The following TVP23A variants were observed in gnomAD, a reference collection of about 807,000 sequenced individuals.
The protein encoded by TVP23A is trans-golgi network vesicle protein 23 homolog A, also known as Golgi apparatus membrane protein TVP23 homolog A.
In TVP23A, 21 loss-of-function variants were observed where a neutral mutation model predicts 31.7. The observed-to-expected ratio is 0.66, with a 90% CI of 0.47 to 0.95. The LOEUF (loss-of-function observed/expected upper bound fraction) is 0.95, where lower values mean the gene tolerates loss of function less well. Ranked by LOEUF, TVP23A falls within the 40% of genes least tolerant of loss-of-function variation. The probability of loss-of-function intolerance (pLI) is 0.00; values close to 1 mark genes in which losing one functional copy is unlikely to be tolerated. For synonymous variants in TVP23A, 104 were observed against 96.0 expected (o/e 1.08, Z -0.49); for missense variants, 279 against 255.6 (o/e 1.09, Z -0.62).
chr16:10,811,471 T>C (rs987081903), intron 2 of TVP23A, among the ~76,000 whole-genome samples: 6 of 152,020 alleles, frequency 3.9e-5, no homozygotes, highest in African/African-American at 1.4e-4. Context: ...GGTTTTGCCA[T>C]GTTGCTCAGG....
chr16:10,776,965 C>A (rs762297895), intron 2 of TVP23A, among the ~76,000 whole-genome samples: 1 of 152,114 alleles, frequency 6.6e-6, no homozygotes, highest in Non-Finnish European at 1.5e-5. Flanking sequence ...TTTACTGCAA[C>A]CTGTTTTATC....
At chr16:10,796,597 T>C (rs896663668) in intron 2 of TVP23A, among the ~76,000 whole-genome samples, 13 of 151,900 alleles carry the variant, frequency 8.6e-5, no homozygotes, top group African/African-American at 3.1e-4. Context: ...CATGCCCAGC[T>C]AATATTTTTT....
rs2034440282 is a variant in TVP23A at position 10,816,364 on chromosome 16, C to T, written c.89+1739G>A. On this transcript the variant is annotated intron_variant, in intron 2 of 7. Transcript: ENST00000299866. ...ATTTTTTTTTTTTGAGACAGGGTCT[C>T]ACTCTGTCGCCCAGACTGGAGTGTA... Among the ~76,000 whole-genome samples, 4 of 150,262 alleles carry T rather than the reference C, an allele frequency of 2.7e-5. No homozygotes were observed. The South Asian group carries it at 8.3e-4, about 31-fold the overall frequency.
At chr16:10,817,382 G>C (rs1368496971) in intron 2 of TVP23A, among the ~76,000 whole-genome samples, 1 of 152,246 alleles carries the variant, frequency 6.6e-6, no homozygotes, top group Non-Finnish European at 1.5e-5. Flanking sequence ...CTGATAGCTG[G>C]AAGCAGAACT....
At chr16:10,778,227 A>C (rs1420035467) in intron 2 of TVP23A, among the ~76,000 whole-genome samples, 2 of 149,940 alleles carry the variant, frequency 1.3e-5, no homozygotes, top group Non-Finnish European at 3.0e-5. Flanking sequence ...CCAGCTACTC[A>C]GGAGGCTGAG....
intron 2 of TVP23A, among the ~76,000 whole-genome samples, chr16:10,786,231 G>T (rs1158959871): frequency 6.6e-6 from 1 of 152,122 alleles, no homozygotes. Context: ...CATCCACAGG[G>T]GAAGGTGAGT....
chr16:10,796,910 A>G (rs2033419923), intron 2 of TVP23A, among the ~76,000 whole-genome samples: 1 of 152,152 alleles, frequency 6.6e-6, no homozygotes, highest in South Asian at 2.1e-4. Context: ...TTTAAAGTTT[A>G]GAAAACTGGA....
downstream of TVP23A, among the ~76,000 whole-genome samples, chr16:10,762,519 C>A (rs1439933766): frequency 2.6e-5 from 4 of 152,238 alleles, no homozygotes; most frequent in African/African-American, 9.6e-5. Context: ...GAAGCTGCTC[C>A]CCCAGGAGGC....
At chr16:10,796,495 C>T (rs954706105) in intron 2 of TVP23A, among the ~76,000 whole-genome samples, 5 of 152,124 alleles carry the variant, frequency 3.3e-5, no homozygotes, top group African/African-American at 1.2e-4. Flanking sequence ...TGCAGTGGCA[C>T]GGTCTCAGCT....
chr16:10,800,898 G>C (rs979498009), intron 2 of TVP23A, among the ~76,000 whole-genome samples: 1 of 152,148 alleles, frequency 6.6e-6, no homozygotes, highest in Non-Finnish European at 1.5e-5. Context: ...GGCTGAGGTG[G>C]GAGGATCACT....
At chr16:10,780,054 C>T (rs2032324867) in intron 2 of TVP23A, among the ~76,000 whole-genome samples, 1 of 152,082 alleles carries the variant, frequency 6.6e-6, no homozygotes, top group Non-Finnish European at 1.5e-5. Flanking sequence ...TGCCACTGGA[C>T]TCCAGCCTGG....
At chr16:10,803,003 G>C (rs1016684261) in intron 2 of TVP23A, among the ~76,000 whole-genome samples, 11 of 152,160 alleles carry the variant, frequency 7.2e-5, no homozygotes, top group African/African-American at 2.7e-4. Context: ...GAGCTGAGAG[G>C]CTGGACGCAG....
downstream of TVP23A, among the ~76,000 whole-genome samples, chr16:10,762,679 G>C (rs2030146699): frequency 1.3e-5 from 2 of 152,172 alleles, no homozygotes; most frequent in Admixed American, 1.3e-4. Context: ...AGGAGTGCCG[G>C]CTGCACCCAT....
At chr16:10,801,767 TGA>T (rs923836072) in intron 2 of TVP23A, among the ~76,000 whole-genome samples, 6 of 152,130 alleles carry the variant, frequency 3.9e-5, no homozygotes, top group African/African-American at 1.4e-4. Flanking sequence ...AATCTCGAAC[TGA>T]GAGAAAAAAT....
chr16:10,814,374 C>G (rs16957675), intron 2 of TVP23A, among the ~76,000 whole-genome samples: 1,881 of 152,256 alleles, frequency 0.012, 42 homozygotes, highest in African/African-American at 0.043. Flanking sequence ...TAACAAGGAC[C>G]ACTCTGAGTT....
chr16:10,761,919 C>G, downstream of TVP23A: 2 of 1,351,896 alleles, frequency 1.5e-6, no homozygotes, highest in Middle Eastern at 1.8e-4. Flanking sequence ...AGGCACGGGT[C>G]GGGCACAACA....
intron 2 of TVP23A, among the ~76,000 whole-genome samples, chr16:10,805,262 C>A (rs1441015930): frequency 6.6e-6 from 1 of 152,010 alleles, no homozygotes; most frequent in Non-Finnish European, 1.5e-5. Context: ...GAACTCCTAA[C>A]CTCAAGTGAT....
intron 2 of TVP23A, among the ~76,000 whole-genome samples, chr16:10,808,143 G>T (rs1324938252): frequency 6.6e-6 from 1 of 152,222 alleles, no homozygotes; most frequent in East Asian, 1.9e-4. Context: ...AAGATGAAAT[G>T]AATTATGCTA....
At chr16:10,765,872 T>C (rs779478829), downstream of TVP23A, among the ~76,000 whole-genome samples, 16 of 152,158 alleles carry the variant, frequency 1.1e-4, no homozygotes, top group Admixed American at 5.2e-4. The surrounding 1 kb of genome is among the most constrained non-coding windows in gnomAD (Gnocchi z 4.0). Context: ...AAATGGCACA[T>C]TGCAGAAGCT....
Sources: gnomAD v4.1 joint callset for allele counts (sites outside exome capture counted in the v4.1 genomes callset) on GRCh38, gnomAD v4.1.1 for gene constraint, Gnocchi (gnomAD v3.1) non-coding constraint, MANE v1.5 for transcripts, NCBI Gene and HGNC (gene_info 2026-07-23, HGNC 2026-07-21) for gene names.